ARL15: variants seen among roughly 807,000 people sequenced by gnomAD.
ARL15 encodes ARF like GTPase 15.
In ARL15, 19 loss-of-function variants were observed where a neutral mutation model predicts 25.2. The ratio of observed to expected loss-of-function variants is 0.75; its 90% CI spans 0.53 to 1.10. The LOEUF is 1.10. ARL15 is among the 50% of genes least tolerant of loss of function. The pLI, the probability that ARL15 is intolerant of heterozygous loss-of-function variation, is 0.00. For synonymous variants in ARL15, 94 were observed against 86.8 expected (o/e 1.08, Z -0.46); for missense variants, 220 against 246.0 (o/e 0.89, Z 0.71).
chr5:54,166,993 T>C (rs1421786551), intron 2 of ARL15, among the ~76,000 whole-genome samples: 1 of 152,196 alleles, frequency 6.6e-6, no homozygotes, highest in Non-Finnish European at 1.5e-5. Context: ...TTTTGGGACT[T>C]GCTAATATTA....
intron 4 of ARL15, among the ~76,000 whole-genome samples, chr5:53,918,434 C>T (rs1048108140): frequency 2.0e-5 from 3 of 152,202 alleles, no homozygotes; most frequent in Non-Finnish European, 4.4e-5. Context: ...CTTAAGTGAT[C>T]CTCCACCTTG....
intron 2 of ARL15, among the ~76,000 whole-genome samples, chr5:54,155,605 T>C (rs576161437): frequency 3.4e-4 from 52 of 152,298 alleles, no homozygotes; most frequent in African/African-American, 1.3e-3. Context: ...TGATTAACTA[T>C]ATATTTATGA....
At position 53,977,275 on chromosome 5, in the gene ARL15, G is replaced by A. The variant is rs553520064; in HGVS notation, c.463-90562C>T. Among the ~76,000 whole-genome samples the A allele has an allele frequency of 2.7e-5, 4 of 148,196 alleles. No homozygotes were observed. In the East Asian group the frequency reaches 8.1e-4, roughly 30 times the overall value. On this transcript the variant is annotated intron_variant, in intron 4 of 4. Transcript: ENST00000504924. ...GGAGGCTGAGGCAGGAGAATGGCGT[G>A]AACCCGGGAGGCGGAGCTTGCGTGA...
At chr5:53,901,461 C>T (rs1018094148) in intron 4 of ARL15, among the ~76,000 whole-genome samples, 2 of 152,042 alleles carry the variant, frequency 1.3e-5, no homozygotes, top group Non-Finnish European at 2.9e-5. Flanking sequence ...AGTGAAAGCC[C>T]CAAACACATA....
intron 4 of ARL15, among the ~76,000 whole-genome samples, chr5:53,974,615 T>A (rs750071605): frequency 2.6e-5 from 4 of 152,210 alleles, no homozygotes; most frequent in Non-Finnish European, 5.9e-5. Flanking sequence ...ACATCATTTG[T>A]GTATTTCAAT....
intron 3 of ARL15, among the ~76,000 whole-genome samples, chr5:54,136,580 A>G (rs937689321): frequency 5.3e-5 from 8 of 152,218 alleles, no homozygotes; most frequent in Non-Finnish European, 1.0e-4. Context: ...GGGAAAAAAA[A>G]ACATACATTA....
intron 1 of ARL15, among the ~76,000 whole-genome samples, chr5:54,192,699 A>G (rs1755441729): frequency 6.6e-6 from 1 of 151,944 alleles, no homozygotes; most frequent in South Asian, 2.1e-4. Context: ...AAGTTTTCTA[A>G]TCTTTACAAG....
At chr5:54,219,201 T>C (rs1332589472) in intron 1 of ARL15, among the ~76,000 whole-genome samples, 3 of 152,152 alleles carry the variant, frequency 2.0e-5, no homozygotes, top group Non-Finnish European at 4.4e-5. Flanking sequence ...TAAAATAAGG[T>C]TGGCCATGCA....
At chr5:54,081,519 G>A (rs1175382386) in intron 4 of ARL15, among the ~76,000 whole-genome samples, 4 of 152,062 alleles carry the variant, frequency 2.6e-5, no homozygotes, top group African/African-American at 4.8e-5. Flanking sequence ...ACATGTCAAG[G>A]GAGAGACCAG....
chr5:54,298,159 T>C (rs1758516557), intron 1 of ARL15, among the ~76,000 whole-genome samples: 2 of 152,144 alleles, frequency 1.3e-5, no homozygotes, highest in South Asian at 4.1e-4. Context: ...AATATTTTCT[T>C]ACCAGTGTAC....
chr5:54,260,566 C>G (rs1401946385), intron 1 of ARL15, among the ~76,000 whole-genome samples: 2 of 152,130 alleles, frequency 1.3e-5, no homozygotes, highest in Non-Finnish European at 2.9e-5. Flanking sequence ...TCCCAAGAGA[C>G]CACAGGGTTC....
chr5:54,192,873 G>A (rs1202037124), intron 1 of ARL15, among the ~76,000 whole-genome samples: 1 of 152,142 alleles, frequency 6.6e-6, no homozygotes, highest in Non-Finnish European at 1.5e-5. Flanking sequence ...CATTGTATCT[G>A]GAAATATGGA....
intron 1 of ARL15, among the ~76,000 whole-genome samples, chr5:54,288,423 G>A (rs1335919780): frequency 6.6e-6 from 1 of 152,152 alleles, no homozygotes; most frequent in Non-Finnish European, 1.5e-5. Flanking sequence ...ACATATAGTG[G>A]GCAGAAGCTT....
At chr5:53,949,746 A>G (rs760030569) in intron 4 of ARL15, among the ~76,000 whole-genome samples, 1 of 152,226 alleles carries the variant, frequency 6.6e-6, no homozygotes, top group Non-Finnish European at 1.5e-5. Context: ...ATATTCTGAC[A>G]GGAGATTCTA....
intron 1 of ARL15, among the ~76,000 whole-genome samples, chr5:54,309,313 C>T (rs542304101): frequency 1.3e-5 from 2 of 152,348 alleles, no homozygotes; most frequent in African/African-American, 4.8e-5. Flanking sequence ...GAAACATTTT[C>T]TTTATGTACA....
chr5:54,154,354 T>C (rs1754156870), intron 3 of ARL15: 3 of 398,012 alleles, frequency 7.5e-6, no homozygotes, highest in Non-Finnish European at 1.3e-5. Flanking sequence ...AATAGTGTAA[T>C]TCTTTGATTC....
chr5:54,143,729 A>AG (rs1159981893), intron 3 of ARL15, among the ~76,000 whole-genome samples: 1 of 151,892 alleles, frequency 6.6e-6, no homozygotes, highest in Non-Finnish European at 1.5e-5. Flanking sequence ...TTTAAAAAAA[A>AG]AGTTATGGAA....
chr5:54,075,319 C>T lies in ARL15; in HGVS notation c.462+37883G>A, dbSNP rs530263814. ...AACTGATATACTTTCCCCAGGTAGA[C>T]GTGAAGCTTCTTCATATTGAATTAC... is the stretch of plus-strand genomic sequence containing the variant. On this transcript the variant is annotated intron_variant, in intron 4 of 4. Coordinates refer to ENST00000504924, the MANE Select transcript of ARL15 (RefSeq NM_019087.3). 2.6e-5 allele frequency among the ~76,000 whole-genome samples: 4 copies of T among 152,162 alleles called. No individual in the cohort carries two copies. The South Asian group carries it at 8.3e-4, about 32-fold the overall frequency.
intron 1 of ARL15, among the ~76,000 whole-genome samples, chr5:54,259,773 T>C (rs1222061412): frequency 6.6e-6 from 1 of 152,220 alleles, no homozygotes; most frequent in Non-Finnish European, 1.5e-5. Flanking sequence ...CATTATCACA[T>C]GGTCTTACAA....
Sources: allele counts gnomAD v4.1 joint callset (sites outside exome capture counted in the v4.1 genomes callset), GRCh38; gene constraint gnomAD v4.1.1; transcripts MANE v1.5; gene names NCBI Gene and HGNC (gene_info 2026-07-23, HGNC 2026-07-21).